UBE3B: variants seen among roughly 807,000 people sequenced by gnomAD.
The protein encoded by UBE3B is ubiquitin-protein ligase E3B.
In UBE3B, 80 loss-of-function variants were observed where a neutral mutation model predicts 132.3. That is an observed-to-expected ratio of 0.60 (90% confidence interval 0.50 to 0.73). UBE3B has a LOEUF of 0.73. Ranked by LOEUF, UBE3B falls within the 30% of genes least tolerant of loss-of-function variation. UBE3B has a pLI of 0.00. For missense variants in UBE3B, 1,196 were observed against 1,362.5 expected (o/e 0.88, Z 1.92); for synonymous variants, 487 against 520.4 (o/e 0.94, Z 0.87).
chr12:109,523,859 G>C lies in UBE3B; in HGVS notation c.2365-119G>C, dbSNP rs1053131409. ...TACTGCCCTCCGGATTGGAAACTTA[G>C]GAGGGGCCTGGAAATGCCGATGGCA... On this transcript the variant is annotated intron_variant, in intron 21 of 27. Transcript: ENST00000342494. 2.1e-6 allele frequency: 3 copies of C among 1,440,204 alleles called. No individual in the cohort carries two copies. The African/African-American group carries it at 4.2e-5, about 20-fold the overall frequency. The allele number at this position is 1,440,204 out of a possible 1,614,324, so 89.2% of individuals were successfully genotyped here. A position where few individuals can be genotyped will look rare whatever the true frequency, so the allele number is the denominator to read the frequency against.
chr12:109,524,937 C>T (rs552611161), intron 23 of UBE3B, among the ~76,000 whole-genome samples: 201 of 152,104 alleles, frequency 1.3e-3, no homozygotes, highest in Non-Finnish European at 2.1e-3. Flanking sequence ...CTCAGGGCCG[C>T]AGCACGTCTC....
intron 2 of UBE3B, 113 bp downstream of exon 2, chr12:109,481,855 GT>G (rs956098705): frequency 1.3e-5 from 2 of 152,064 alleles, no homozygotes; most frequent in African/African-American, 2.4e-5. Context: ...ACGACTTAGT[GT>G]TTTTTTAAAA....
intron 2 of UBE3B, 88 bp from the exon 3 acceptor site, chr12:109,483,443 C>G: frequency 1.4e-6 from 2 of 1,384,716 alleles, no homozygotes; most frequent in Non-Finnish European, 1.9e-6. Context: ...CTGCCCAGGT[C>G]CCTGCCCACC....
chr12:109,528,726 C>T (rs1375854528), intron 24 of UBE3B, among the ~76,000 whole-genome samples: 2 of 151,806 alleles, frequency 1.3e-5, no homozygotes, highest in Non-Finnish European at 2.9e-5. Flanking sequence ...TGGTGGCAGG[C>T]GCTGTAATGT....
chr12:109,488,166 C>G (rs1240178464), intron 6 of UBE3B, among the ~76,000 whole-genome samples: 1 of 152,204 alleles, frequency 6.6e-6, no homozygotes, highest in Non-Finnish European at 1.5e-5. Flanking sequence ...AGAAACTTGC[C>G]TAAGCTCACA....
chr12:109,527,614 A>T (rs1205376521), intron 24 of UBE3B, among the ~76,000 whole-genome samples: 1 of 152,186 alleles, frequency 6.6e-6, no homozygotes, highest in Admixed American at 6.5e-5. Context: ...CTGTTTTCAT[A>T]ATGATTGAAA....
intron 1 of UBE3B, among the ~76,000 whole-genome samples, chr12:109,481,018 T>C (rs1027940841): frequency 6.7e-5 from 10 of 150,232 alleles, no homozygotes; most frequent in African/African-American, 2.5e-4. Flanking sequence ...GGCAGGAGAA[T>C]GGCATGAACC....
chr12:109,524,654 T>A, intron 23 of UBE3B, 151 bp downstream of exon 23: 1 of 803,408 alleles, frequency 1.2e-6, no homozygotes, highest in Non-Finnish European at 1.9e-6. Flanking sequence ...TCCTCCCCTC[T>A]TGCCAGGAGG....
rs747433142 is a variant in UBE3B, at chr12:109,523,987, G to T, written c.2374G>T (p.Val792Leu). The T allele has an allele frequency of 1.4e-5, 23 of 1,613,862 alleles. No homozygotes were observed. The highest frequency in any genetic ancestry group is 2.2e-5 in the East Asian group (1 of 44,884). Residue 792 changes from valine (V) to leucine (L), a missense_variant, in exon 22 of 28, where the codon GTG (valine) becomes TTG (leucine). Physicochemically the swap from Val to Leu is conservative, Grantham distance 32. Coordinates refer to ENST00000342494, the MANE Select transcript of UBE3B (RefSeq NM_130466.4). ...LGKAVYEGIVVDVPFASFFLS... is the reference protein window; with the variant it reads ...LGKAVYEGIVLDVPFASFFLS... The stretch of plus-strand genomic sequence containing the variant: ...TTCTCTGCTCTCCCAGGGAATTGTG[G>T]TGGACGTGCCATTTGCATCCTTCTT...
intron 6 of UBE3B, 143 bp downstream of exon 6, chr12:109,486,718 T>G: frequency 1.4e-6 from 1 of 708,662 alleles, no homozygotes; most frequent in African/African-American, 1.8e-5. Context: ...GAGAGGAATT[T>G]TGATTCTGTT....
chr12:109,494,711 G>A (rs1315639175), intron 9 of UBE3B, among the ~76,000 whole-genome samples: 1 of 152,238 alleles, frequency 6.6e-6, no homozygotes, highest in Non-Finnish European at 1.5e-5. Flanking sequence ...TGAGGGAGTT[G>A]TAGGAGTGTT....
At position 109,486,468 on chromosome 12, in the gene UBE3B, T is replaced by C. The variant is rs1876446753; in HGVS notation, c.343-3T>C. On this transcript the variant is annotated splice_polypyrimidine_tract_variant and splice_region_variant and intron_variant, in intron 5 of 27. Transcript: ENST00000342494. ...ATGACATTCCTCTTTTTCCCACCTATAGGTGTGGTATGTGTCCCTGGCTTG... is the reference window on the plus strand; with the variant it reads ...ATGACATTCCTCTTTTTCCCACCTACAGGTGTGGTATGTGTCCCTGGCTTG... 1 of 1,600,714 alleles carries C rather than the reference T, an allele frequency of 6.2e-7. No homozygotes were observed. The highest frequency in any genetic ancestry group is 1.4e-5 in the African/African-American group (1 of 73,684).
chr12:109,486,030 C>T lies in UBE3B; in HGVS notation c.301C>T (p.Arg101Cys), dbSNP rs766912979. The part of the protein sequence containing the change: ...EDNERFEKLC[R>C]SILSSMDAEN... ...TTTGCAGAGATTTGAGAAGTTGTGTCGCAGCATCCTGAGCAGCATGGATGC... is the reference window on the plus strand; with the variant it reads ...TTTGCAGAGATTTGAGAAGTTGTGTTGCAGCATCCTGAGCAGCATGGATGC... The change falls in exon 5 of 28, where the codon CGC becomes TGC. Residue 101 changes from arginine to cysteine, a missense_variant. Arg to Cys is a radical substitution (Grantham distance 180). Coordinates refer to ENST00000342494, the MANE Select transcript of UBE3B (RefSeq NM_130466.4). The T allele has an allele frequency of 1.2e-5, 19 of 1,554,360 alleles. No individual in the cohort carries two copies. Among genetic ancestry groups the T allele is most frequent in the Non-Finnish European group, 1.4e-5 (16 of 1,148,254 alleles).
At chr12:109,545,078 C>G in the UBE3B span, among the ~76,000 whole-genome samples, 2 of 152,196 alleles carry the variant, frequency 1.3e-5, no homozygotes, top group Non-Finnish European at 2.9e-5. Context: ...CACTTGCCTT[C>G]CCTGATCGTC....
intron 25 of UBE3B, 116 bp downstream of exon 25, chr12:109,530,188 T>A: frequency 8.1e-7 from 1 of 1,227,414 alleles, no homozygotes; most frequent in Non-Finnish European, 1.1e-6. Flanking sequence ...GATCTCCTTC[T>A]CCTCCCTGGA....
chr12:109,503,418 T>C (rs1185711291), intron 14 of UBE3B, among the ~76,000 whole-genome samples: 1 of 152,096 alleles, frequency 6.6e-6, no homozygotes, highest in East Asian at 1.9e-4. Context: ...CTTACTTTAA[T>C]TATGAAGTAG....
chr12:109,486,100 C>T, intron 5 of UBE3B, 29 bp downstream of exon 5: 1 of 1,555,184 alleles, frequency 6.4e-7, no homozygotes, highest in South Asian at 1.2e-5. Flanking sequence ...CAGTGTCTCC[C>T]ACAAGCTCTT....
intron 17 of UBE3B, 146 bp from the exon 18 acceptor site, chr12:109,511,058 A>G (rs1322189729): frequency 1.0e-5 from 7 of 675,222 alleles, no homozygotes; most frequent in Admixed American, 5.1e-5. Flanking sequence ...CTATACATGT[A>G]TGAATGAGTA....
chr12:109,504,483 GGTT>G (rs1454327100), intron 14 of UBE3B, among the ~76,000 whole-genome samples: 2 of 152,210 alleles, frequency 1.3e-5, no homozygotes, highest in Non-Finnish European at 2.9e-5. Context: ...GAAGATACCA[GGTT>G]GTTGGCCCAA....
Sources: allele counts gnomAD v4.1 joint callset (sites outside exome capture counted in the v4.1 genomes callset), GRCh38; gene constraint gnomAD v4.1.1; transcripts MANE v1.5; gene names NCBI Gene and HGNC (gene_info 2026-07-23, HGNC 2026-07-21).